The following SMG6 variants were observed in gnomAD, a reference collection of about 807,000 sequenced individuals.
The protein encoded by SMG6 is SMG6 nonsense mediated mRNA decay factor, also known as telomerase-binding protein EST1A.
In SMG6, 66 loss-of-function variants were observed where a neutral mutation model predicts 142.2. The observed-to-expected ratio is 0.46, with a 90% CI of 0.38 to 0.57. The LOEUF (loss-of-function observed/expected upper bound fraction) is 0.57. Among genes scored for constraint, SMG6 ranks in the 20% least tolerant of loss-of-function variants. SMG6 has a pLI of 0.00. For missense variants in SMG6, 1,793 were observed against 1,832.0 expected, an observed-to-expected ratio of 0.98 and a Z score of 0.39; for synonymous variants, 779 against 702.4, an observed-to-expected ratio of 1.11 and a Z score of -1.72.
intron 13 of SMG6, among the ~76,000 whole-genome samples, chr17:2,104,682 T>C: frequency 6.6e-6 from 1 of 150,634 alleles, no homozygotes; most frequent in South Asian, 2.1e-4. Context: ...GTAGATGAAG[T>C]GGTGACAGAT....
chr17:2,138,131 C>G (rs926053683), intron 13 of SMG6, among the ~76,000 whole-genome samples: 1 of 150,040 alleles, frequency 6.7e-6, no homozygotes, highest in African/African-American at 2.5e-5. Context: ...CATGGAAATA[C>G]AGTTATTTAG....
At position 2,300,097 on chromosome 17, in the gene SMG6, C is replaced by T; in HGVS notation, c.656G>A (p.Arg219Lys). ...VGAAKGEKGK[R>K]MGKGEGVRET... ...CCTCACCCCCTCCCCTTTTCCCATC[C>T]TCTTTCCTTTTTCTCCTTTTGCAGC... The change falls in exon 2 of 19, where the codon AGG becomes AAG. Residue 219 changes from arginine (R) to lysine (K), a missense_variant. Around this residue, in one of 3 missense-constraint regions of SMG6, gnomAD observed 1,597 missense variants for 1,584.6 expected, o/e 1.01. Coordinates refer to ENST00000263073, the MANE Select transcript of SMG6 (RefSeq NM_017575.5). 1.2e-6 allele frequency: 2 copies of T among 1,614,182 alleles called. No homozygotes were observed. Among genetic ancestry groups the T allele is most frequent in the Admixed American group, 3.3e-5 (2 of 60,026 alleles).
chr17:2,291,187 C>G (rs934942961), intron 6 of SMG6, among the ~76,000 whole-genome samples: 1 of 151,982 alleles, frequency 6.6e-6, no homozygotes, highest in Admixed American at 6.6e-5. Context: ...AAAAACTAGC[C>G]GGGCGTGGTG....
chr17:2,113,243 A>T (rs1028802255), intron 13 of SMG6, among the ~76,000 whole-genome samples: 5 of 147,218 alleles, frequency 3.4e-5, no homozygotes, highest in East Asian at 2.0e-4. Flanking sequence ...TGCCTGGCCA[A>T]TTTTTTTTTT....
At chr17:2,285,152 AT>A (rs903009317) in intron 6 of SMG6, among the ~76,000 whole-genome samples, 8 of 149,438 alleles carry the variant, frequency 5.4e-5, no homozygotes, top group South Asian at 2.1e-4. Flanking sequence ...TTCTCAACAC[AT>A]TTTTTTTTTC....
At chr17:2,173,360 A>G (rs1455231131) in intron 12 of SMG6, among the ~76,000 whole-genome samples, 2 of 152,232 alleles carry the variant, frequency 1.3e-5, no homozygotes, top group African/African-American at 4.8e-5. Context: ...ACAATGCTTT[A>G]GAAATCTCTT....
Position 2,155,055 on chromosome 17 carries a change from A to AAT in SMG6, c.3357+17602_3357+17603insAT, listed in dbSNP as rs1555545596. 3.8e-4 allele frequency among the ~76,000 whole-genome samples: 55 copies of AAT among 143,680 alleles called. 1 individual carries two copies. Among genetic ancestry groups the AAT allele is most frequent in the East Asian group, 2.0e-3 (10 of 4,908 alleles). 94.3% of individuals were successfully genotyped at this position (143,680 alleles called of 152,430 possible). On this transcript the variant is annotated intron_variant, in intron 13 of 18. Transcript: ENST00000263073. ...AACAAAGTATACTCTGAGAAAAAAA[A>AAT]TTTTTTTTTTTTTTTGAGATGGAGT...
chr17:2,276,519 G>T (rs1009739634), intron 8 of SMG6, among the ~76,000 whole-genome samples: 1 of 152,042 alleles, frequency 6.6e-6, no homozygotes, highest in Non-Finnish European at 1.5e-5. Flanking sequence ...AGAGTAGCTG[G>T]GATTACAGGC....
rs543299353 is a variant in SMG6 at position 2,256,633 on chromosome 17, C to T, written c.2662-11914G>A. The stretch of plus-strand genomic sequence containing the variant: ...AAAATAAAATAAAATAAATCAGCCA[C>T]GCATGGTGGCGCACACCTGTAGTTC... On this transcript the variant is annotated intron_variant, in intron 8 of 18. Coordinates refer to ENST00000263073, the MANE Select transcript of SMG6 (RefSeq NM_017575.5). Among the ~76,000 whole-genome samples, 40 of 152,208 alleles carry T rather than the reference C, an allele frequency of 2.6e-4. No homozygotes were observed. The South Asian group carries it at 7.3e-3, about 28-fold the overall frequency.
At chr17:2,163,776 T>C (rs924843158) in intron 13 of SMG6, among the ~76,000 whole-genome samples, 2 of 152,112 alleles carry the variant, frequency 1.3e-5, no homozygotes, top group African/African-American at 4.8e-5. Flanking sequence ...TATCTTATTC[T>C]GTTTCTTGAG....
Position 2,250,576 on chromosome 17 carries a change from G to A in SMG6, c.2662-5857C>T, listed in dbSNP as rs572345107. Among the ~76,000 whole-genome samples the A allele has an allele frequency of 1.3e-3, 195 of 151,774 alleles. 1 individual carries two copies. The highest frequency in any genetic ancestry group is 4.6e-3 in the African/African-American group (191 of 41,402). On this transcript the variant is annotated intron_variant, in intron 8 of 18. Coordinates refer to ENST00000263073, the MANE Select transcript of SMG6 (RefSeq NM_017575.5). ...CTAGTTTTTTATTTTTTGTAGAGAC[G>A]GGGTCTCACTATATTGCCAAGGAGT...
intron 13 of SMG6, among the ~76,000 whole-genome samples, chr17:2,171,860 A>G (rs1484616785): frequency 6.6e-6 from 1 of 151,592 alleles, no homozygotes; most frequent in African/African-American, 2.4e-5. Flanking sequence ...TGTGATCCTC[A>G]CTACTCTGCA....
At chr17:2,262,635 C>T (rs1486989868) in intron 8 of SMG6, among the ~76,000 whole-genome samples, 1 of 152,222 alleles carries the variant, frequency 6.6e-6, no homozygotes, top group African/African-American at 2.4e-5. Context: ...CTTTCTAGGT[C>T]GCTCTACCTG....
chr17:2,215,240 C>G (rs766394755), intron 10 of SMG6, among the ~76,000 whole-genome samples: 22 of 152,130 alleles, frequency 1.4e-4, no homozygotes, highest in Non-Finnish European at 2.9e-4. Context: ...CGCACACACA[C>G]ACACAGACCT....
At chr17:2,222,791 G>A (rs1224736365) in intron 10 of SMG6, among the ~76,000 whole-genome samples, 2 of 151,956 alleles carry the variant, frequency 1.3e-5, no homozygotes, top group Non-Finnish European at 2.9e-5. Flanking sequence ...ATCCACAAGG[G>A]GTATTCAGGC....
chr17:2,164,552 G>A (rs1265504946), intron 13 of SMG6, among the ~76,000 whole-genome samples: 1 of 152,138 alleles, frequency 6.6e-6, no homozygotes, highest in Non-Finnish European at 1.5e-5. Context: ...AGGTTGCAGC[G>A]TGCCGAGATC....
chr17:2,242,004 G>A lies in SMG6; in HGVS notation c.2723+2654C>T, dbSNP rs1282477343. Among the ~76,000 whole-genome samples the A allele has an allele frequency of 3.3e-5, 5 of 152,170 alleles. No homozygotes were observed. In the East Asian group the frequency reaches 9.6e-4, roughly 29 times the overall value. The stretch of plus-strand genomic sequence containing the variant: ...CACATTTGGTGCACAGTGGGAAGAA[G>A]GCAGGGATGCTGCCAAGTATCCTAC... On this transcript the variant is annotated intron_variant, in intron 9 of 18. Coordinates refer to ENST00000263073, the MANE Select transcript of SMG6 (RefSeq NM_017575.5).
At position 2,114,375 on chromosome 17, in the gene SMG6, C is replaced by A. The variant is rs2069432772; in HGVS notation, c.3358-28474G>T. Among the ~76,000 whole-genome samples the A allele has an allele frequency of 2.0e-5, 3 of 152,054 alleles. 1 individual carries two copies. In the South Asian group the frequency reaches 6.2e-4, roughly 31 times the overall value. ...CTTCTCTTCTATCCTTCCAGTTTCC[C>A]ATTGAAATGACTAAAAATAAATAAA... On this transcript the variant is annotated intron_variant, in intron 13 of 18. Coordinates refer to ENST00000263073, the MANE Select transcript of SMG6 (RefSeq NM_017575.5).
Position 2,130,068 on chromosome 17 carries a change from G to A in SMG6, c.3357+42590C>T, listed in dbSNP as rs985006133. Among the ~76,000 whole-genome samples, 35 of 151,160 alleles carry A rather than the reference G, an allele frequency of 2.3e-4. 1 individual carries two copies. The highest frequency in any genetic ancestry group is 7.5e-4 in the African/African-American group (31 of 41,158). ...AGGTCAGGAGATCAAGACCATCCTG[G>A]CTAACATGGTGAAATCCCGTCTCTA... On this transcript the variant is annotated intron_variant, in intron 13 of 18. Coordinates refer to ENST00000263073, the MANE Select transcript of SMG6 (RefSeq NM_017575.5).
Sources: allele counts gnomAD v4.1 joint callset (sites outside exome capture counted in the v4.1 genomes callset), GRCh38; gene constraint gnomAD v4.1.1; regional missense constraint gnomAD v4.1.1; transcripts MANE v1.5; gene names NCBI Gene and HGNC (gene_info 2026-07-23, HGNC 2026-07-21).